Variants in PCDH15 observed in about 807,000 individuals in gnomAD.
PCDH15 encodes protocadherin-15.
PCDH15 carries 129 observed loss-of-function variants against 178.5 expected under a neutral mutation model. That is an observed-to-expected ratio of 0.72 (90% CI 0.63 to 0.84). The LOEUF (loss-of-function observed/expected upper bound fraction) is 0.84, where lower values mean the gene tolerates loss of function less well. Ranked by LOEUF, PCDH15 falls within the 40% of genes least tolerant of loss-of-function variation. The pLI, the probability that PCDH15 is intolerant of heterozygous loss-of-function variation, is 0.00. For synonymous variants in PCDH15, 800 were observed against 732.0 expected, an observed-to-expected ratio of 1.09 and a Z score of -1.50; for missense variants, 2,230 against 2,099.9, an observed-to-expected ratio of 1.06 and a Z score of -1.21.
chr10:55,098,895 TGAGAGA>T (rs10535301), intron 2 of PCDH15, among the ~76,000 whole-genome samples: 10,328 of 119,798 alleles, frequency 0.086, 527 homozygotes, highest in South Asian at 0.22. Context: ...AAAACTTCAA[TGAGAGA>T]GAGAGAGAGA....
intron 2 of PCDH15, among the ~76,000 whole-genome samples, chr10:54,948,470 G>A (rs769476671): frequency 3.9e-4 from 60 of 151,960 alleles, no homozygotes; most frequent in Non-Finnish European, 7.4e-4. Context: ...GACAGCTAAT[G>A]AGACATTATT....
At chr10:55,364,416 A>G (rs927503682) in intron 2 of PCDH15, among the ~76,000 whole-genome samples, 7 of 152,100 alleles carry the variant, frequency 4.6e-5, no homozygotes, top group African/African-American at 1.7e-4. Context: ...TCTGGTTTCC[A>G]TGGTTTCTTC....
intron 2 of PCDH15, among the ~76,000 whole-genome samples, chr10:55,450,271 A>T (rs1839405739): frequency 6.6e-6 from 1 of 152,164 alleles, no homozygotes; most frequent in Admixed American, 6.6e-5. Context: ...TCGTTTATAC[A>T]TGAGAAAAGT....
chr10:54,774,384 C>T (rs1949468633), intron 1 of PCDH15, among the ~76,000 whole-genome samples: 2 of 151,980 alleles, frequency 1.3e-5, no homozygotes, highest in Admixed American at 1.3e-4. Context: ...GTAAAACAAT[C>T]AGCAGTTACT....
At chr10:54,977,752 T>A (rs1012197778) in intron 2 of PCDH15, among the ~76,000 whole-genome samples, 1 of 152,180 alleles carries the variant, frequency 6.6e-6, no homozygotes, top group African/African-American at 2.4e-5. Flanking sequence ...CAAGATCCAA[T>A]AACCCTCTCT....
At chr10:54,641,290 A>G (rs1325856122) in intron 2 of PCDH15, among the ~76,000 whole-genome samples, 4 of 152,138 alleles carry the variant, frequency 2.6e-5, no homozygotes, top group Non-Finnish European at 4.4e-5. Flanking sequence ...GCTTATCTTG[A>G]CCACAATCAC....
At chr10:54,390,637 A>G (rs1345304745) in intron 3 of PCDH15, among the ~76,000 whole-genome samples, 1 of 152,156 alleles carries the variant, frequency 6.6e-6, no homozygotes, top group Non-Finnish European at 1.5e-5. Flanking sequence ...TGTTTTAAAA[A>G]AGATCTTATA....
rs746638800 is a variant in PCDH15 at position 54,317,287 on chromosome 10, G to A, written c.860C>T (p.Pro287Leu). The change falls in exon 8 of 38, where the codon CCT becomes CTT. Residue 287 changes from proline (P) to leucine (L), a missense_variant. Physicochemically the swap from Pro to Leu is moderately conservative, Grantham distance 98. Transcript: ENST00000644397. ...CRPLTYQAAI[P>L]ELRTPEELNP... is the part of the protein sequence containing the mutation. ...TATATTTACCGGAGTTCTCAACTCA[G>A]GTATGGCAGCTTGATAAGTGAGTGG... 6.2e-7 allele frequency: 1 copy of A among 1,613,808 alleles called. No homozygotes were observed. Among genetic ancestry groups the A allele is most frequent in the Non-Finnish European group, 8.5e-7 (1 of 1,179,794 alleles).
intron 2 of PCDH15, among the ~76,000 whole-genome samples, chr10:55,080,765 G>A (rs577707790): frequency 7.9e-5 from 12 of 152,194 alleles, no homozygotes; most frequent in South Asian, 2.1e-4. Context: ...GGCTACAGTG[G>A]TATGCAGAAG....
intron 2 of PCDH15, among the ~76,000 whole-genome samples, chr10:54,576,786 A>G (rs1173341685): frequency 6.6e-6 from 1 of 152,190 alleles, no homozygotes. Flanking sequence ...TTATTTGCCA[A>G]AAATGTCCAG....
chr10:55,057,722 A>G (rs944409984), intron 2 of PCDH15, among the ~76,000 whole-genome samples: 5 of 152,110 alleles, frequency 3.3e-5, no homozygotes, highest in Admixed American at 2.0e-4. Flanking sequence ...ACCAACTTAG[A>G]CTGCTTTACT....
intron 2 of PCDH15, among the ~76,000 whole-genome samples, chr10:55,022,715 T>C (rs1023055165): frequency 6.8e-6 from 1 of 147,066 alleles, no homozygotes; most frequent in Non-Finnish European, 1.5e-5. Flanking sequence ...CTTTTTCTTT[T>C]TTTTTTTTTT....
chr10:54,455,764 G>A (rs765471410), intron 3 of PCDH15, among the ~76,000 whole-genome samples: 5 of 152,138 alleles, frequency 3.3e-5, no homozygotes, highest in Admixed American at 6.6e-5. Context: ...CAGGCCTGAA[G>A]CCCTAAGAGG....
intron 1 of PCDH15, among the ~76,000 whole-genome samples, chr10:54,684,715 C>T (rs1591040266): frequency 6.6e-6 from 1 of 151,964 alleles, no homozygotes; most frequent in Non-Finnish European, 1.5e-5. Context: ...ATATTTAAAT[C>T]AGATTTTCAA....
At chr10:55,442,159 A>T (rs1839202252) in intron 2 of PCDH15, among the ~76,000 whole-genome samples, 1 of 152,022 alleles carries the variant, frequency 6.6e-6, no homozygotes. Flanking sequence ...TAGGTACCTA[A>T]CCCTGCGAAA....
intron 29 of PCDH15, among the ~76,000 whole-genome samples, chr10:53,838,272 G>A (rs1203744181): frequency 6.6e-6 from 1 of 152,038 alleles, no homozygotes; most frequent in Non-Finnish European, 1.5e-5. Context: ...ACCGCGCCCG[G>A]CCAAAAATTT....
At position 55,228,189 on chromosome 10, in the gene PCDH15, C is replaced by T. The variant is rs1161530260; in HGVS notation, c.-155-61538G>A. Among the ~76,000 whole-genome samples, 9 of 152,224 alleles carry T rather than the reference C, an allele frequency of 5.9e-5. No homozygotes were observed. In the East Asian group the frequency reaches 1.7e-3, roughly 29 times the overall value. On this transcript the variant is annotated intron_variant, in intron 1 of 5. Coordinates refer to the PCDH15 transcript ENST00000458638. ...GAAACATAATAAGCATATCATGTAT[C>T]ATGTTGCATACATCATGCACTGTAA...
At chr10:54,922,967 G>T (rs1837532029) in intron 2 of PCDH15, among the ~76,000 whole-genome samples, 1 of 152,116 alleles carries the variant, frequency 6.6e-6, no homozygotes, top group Non-Finnish European at 1.5e-5. Flanking sequence ...TTTCCTCTCT[G>T]CACTGCCCTA....
At chr10:53,824,498 A>C (rs1308120968) in intron 32 of PCDH15, among the ~76,000 whole-genome samples, 21 of 152,204 alleles carry the variant, frequency 1.4e-4, no homozygotes, top group Admixed American at 1.4e-3. Context: ...ATAAAGCCAC[A>C]GTTGTTAATG....
Sources: allele counts gnomAD v4.1 joint callset (sites outside exome capture counted in the v4.1 genomes callset), GRCh38; gene constraint gnomAD v4.1.1; transcripts MANE v1.5; gene names NCBI Gene and HGNC (gene_info 2026-07-23, HGNC 2026-07-21).